Variants in GALNT13 observed in about 807,000 individuals in gnomAD.
The protein encoded by GALNT13 is UDP-GalNAc:polypeptide N-acetylgalactosaminyltransferase 13.
A neutral mutation model predicts 64.2 loss-of-function variants in GALNT13; 28 were observed. The ratio of observed to expected loss-of-function variants is 0.44; its 90% CI spans 0.32 to 0.60. GALNT13 has a LOEUF of 0.60. Among genes scored for constraint, GALNT13 ranks in the 20% least tolerant of loss-of-function variants. GALNT13 has a pLI of 0.05. For missense variants in GALNT13, 577 were observed against 669.8 expected, an observed-to-expected ratio of 0.86 and a Z score of 1.53; for synonymous variants, 214 against 224.6, an observed-to-expected ratio of 0.95 and a Z score of 0.42.
intron 9 of GALNT13, among the ~76,000 whole-genome samples, chr2:154,331,874 AATGTGTT>A (rs2105195795): frequency 6.6e-6 from 1 of 152,184 alleles, no homozygotes; most frequent in East Asian, 1.9e-4. Flanking sequence ...GAAAACTGTA[AATGTGTT>A]ATTTGTGAAA....
the GALNT13 span, among the ~76,000 whole-genome samples, chr2:153,337,448 GA>G: frequency 1.3e-5 from 2 of 152,080 alleles, no homozygotes; most frequent in South Asian, 2.1e-4. Context: ...AAAATGCAAG[GA>G]AAAAATTATG....
chr2:153,198,208 G>A, the GALNT13 span, among the ~76,000 whole-genome samples: 1 of 152,176 alleles, frequency 6.6e-6, no homozygotes, highest in Admixed American at 6.5e-5. Context: ...GCAGTTGCCT[G>A]TTGCTCAGTG....
At chr2:154,008,588 C>A (rs1696416739) in intron 3 of GALNT13, among the ~76,000 whole-genome samples, 1 of 152,020 alleles carries the variant, frequency 6.6e-6, no homozygotes, top group Non-Finnish European at 1.5e-5. Flanking sequence ...TCCTCCCACC[C>A]TCCCTGCTCA....
At chr2:153,560,231 A>G in the GALNT13 span, among the ~76,000 whole-genome samples, 2 of 152,048 alleles carry the variant, frequency 1.3e-5, no homozygotes, top group Non-Finnish European at 2.9e-5. Flanking sequence ...CATTGTTTCT[A>G]GGCCTTTCCA....
At chr2:154,356,819 G>A (rs1696777311) in intron 9 of GALNT13, among the ~76,000 whole-genome samples, 1 of 151,800 alleles carries the variant, frequency 6.6e-6, no homozygotes, top group Non-Finnish European at 1.5e-5. Context: ...TTTTTCAAAT[G>A]TACATTAAAT....
chr2:153,486,639 G>A, the GALNT13 span, among the ~76,000 whole-genome samples: 4 of 152,098 alleles, frequency 2.6e-5, no homozygotes, highest in Admixed American at 6.5e-5. Context: ...TTGAAATAAA[G>A]GGCCAAAGAA....
intron 3 of GALNT13, among the ~76,000 whole-genome samples, chr2:153,990,160 G>A (rs910490332): frequency 1.3e-5 from 2 of 151,906 alleles, no homozygotes; most frequent in Admixed American, 6.6e-5. Context: ...CATCAGATGT[G>A]AAAAATTAAG....
chr2:153,708,139 C>A, the GALNT13 span, among the ~76,000 whole-genome samples: 3 of 151,866 alleles, frequency 2.0e-5, no homozygotes, highest in Non-Finnish European at 2.9e-5. Flanking sequence ...ATAGGGCCCA[C>A]CTTTGGCAAT....
At chr2:154,014,409 A>G (rs913141935) in intron 3 of GALNT13, among the ~76,000 whole-genome samples, 1 of 151,910 alleles carries the variant, frequency 6.6e-6, no homozygotes, top group Non-Finnish European at 1.5e-5. Flanking sequence ...AGTGGGTCAC[A>G]GGGCTCAACA....
the GALNT13 span, among the ~76,000 whole-genome samples, chr2:153,111,005 T>C: frequency 1.3e-5 from 2 of 152,144 alleles, no homozygotes; most frequent in South Asian, 4.1e-4. Context: ...TTATATCTTT[T>C]TTCATCTGCT....
intron 7 of GALNT13, among the ~76,000 whole-genome samples, chr2:154,252,003 T>G (rs1690095020): frequency 6.6e-6 from 1 of 152,136 alleles, no homozygotes; most frequent in Non-Finnish European, 1.5e-5. Context: ...TTATTTTTAT[T>G]ACTTATCTTT....
chr2:154,263,015 G>C (rs1459138452), intron 8 of GALNT13, among the ~76,000 whole-genome samples: 1 of 152,094 alleles, frequency 6.6e-6, no homozygotes, highest in Non-Finnish European at 1.5e-5. Context: ...ATATCATGGG[G>C]AGCAGCATTC....
chr2:154,251,240 A>C (rs1367682120), intron 7 of GALNT13, among the ~76,000 whole-genome samples: 1 of 152,070 alleles, frequency 6.6e-6, no homozygotes, highest in Non-Finnish European at 1.5e-5. Flanking sequence ...AGCTGGCCCC[A>C]TTGTTTATTT....
chr2:153,426,441 T>C, the GALNT13 span, among the ~76,000 whole-genome samples: 22 of 151,986 alleles, frequency 1.4e-4, no homozygotes, highest in Admixed American at 3.3e-4. Context: ...AGGGCTATCC[T>C]GGGTCCAGAA....
At chr2:154,343,459 C>T (rs1359659938) in intron 9 of GALNT13, among the ~76,000 whole-genome samples, 1 of 152,008 alleles carries the variant, frequency 6.6e-6, no homozygotes, top group African/African-American at 2.4e-5. Context: ...GCAAGAGATA[C>T]AAATAGGATG....
the GALNT13 span, among the ~76,000 whole-genome samples, chr2:153,129,528 A>T: frequency 6.6e-6 from 1 of 152,218 alleles, no homozygotes; most frequent in African/African-American, 2.4e-5. Flanking sequence ...TAATCCCAGC[A>T]CTTTGGGAGG....
intron 4 of GALNT13, among the ~76,000 whole-genome samples, chr2:154,169,800 A>G (rs1359368937): frequency 6.6e-6 from 1 of 152,086 alleles, no homozygotes; most frequent in Non-Finnish European, 1.5e-5. Flanking sequence ...CATAGCACCC[A>G]CCGTATTCAA....
At chr2:153,398,056 A>G in the GALNT13 span, among the ~76,000 whole-genome samples, 2 of 149,982 alleles carry the variant, frequency 1.3e-5, no homozygotes, top group Non-Finnish European at 3.0e-5. Flanking sequence ...ATATCTCGCA[A>G]TGCTATCCCT....
the GALNT13 span, among the ~76,000 whole-genome samples, chr2:153,582,458 A>G: frequency 1.3e-5 from 2 of 152,124 alleles, no homozygotes; most frequent in African/African-American, 4.8e-5. Context: ...AATGAGTAAA[A>G]TTCCGGTTAT....
Sources: gnomAD v4.1 joint callset for allele counts (sites outside exome capture counted in the v4.1 genomes callset) on GRCh38, gnomAD v4.1.1 for gene constraint, MANE v1.5 for transcripts, NCBI Gene and HGNC (gene_info 2026-07-23, HGNC 2026-07-21) for gene names.